EXTL2: variants seen among roughly 807,000 people sequenced by gnomAD.
EXTL2 encodes the protein exostosin-like 2.
A neutral mutation model predicts 30.7 loss-of-function variants in EXTL2; 23 were observed. The observed-to-expected ratio is 0.75, with a 90% CI of 0.54 to 1.06. The LOEUF (loss-of-function observed/expected upper bound fraction) is 1.06. Among genes scored for constraint, EXTL2 ranks in the 50% least tolerant of loss-of-function variants. The pLI is 0.00. For synonymous variants in EXTL2, 123 were observed against 133.8 expected (o/e 0.92, Z 0.56); for missense variants, 352 against 396.3 (o/e 0.89, Z 0.95).
intron 2 of EXTL2, chr1:100,880,834 A>G (rs1391774641): frequency 2.8e-6 from 1 of 360,552 alleles, no homozygotes; most frequent in Non-Finnish European, 3.9e-6. Flanking sequence ...ACTTACATAG[A>G]AGTGTTTCTG....
intron 2 of EXTL2, among the ~76,000 whole-genome samples, chr1:100,884,939 T>C (rs1276376618): frequency 6.6e-6 from 1 of 152,240 alleles, no homozygotes; most frequent in Non-Finnish European, 1.5e-5. Context: ...TATAGTTGAA[T>C]TAAATGAGGG....
At position 100,889,975 on chromosome 1, in the gene EXTL2, A is replaced by T. The variant is rs149701298; in HGVS notation, c.-71-1147T>A. The stretch of plus-strand genomic sequence containing the variant: ...GTGGCCCTGTTCTTACAGCTCCACT[A>T]GGCAATGCTCCAGTGGCAACTTTGT... On this transcript the variant is annotated intron_variant, in intron 1 of 4. Transcript: ENST00000370114. 6.5e-3 allele frequency among the ~76,000 whole-genome samples: 985 copies of T among 152,278 alleles called. 16 individuals are homozygous for T. The highest frequency in any genetic ancestry group is 0.021 in the African/African-American group (858 of 41,556).
At chr1:100,885,782 T>C (rs1263313946) in intron 2 of EXTL2, 2 of 152,218 alleles carry the variant, frequency 1.3e-5, no homozygotes, top group East Asian at 3.8e-4. Context: ...GTTTTAGAAA[T>C]GCCATACAGC....
rs1189003476 is a variant in EXTL2 at position 100,877,714 on chromosome 1, G to C, written c.195C>G (p.Ser65=). 1.2e-6 allele frequency: 2 copies of C among 1,613,532 alleles called. No homozygotes were observed. The highest frequency in any genetic ancestry group is 1.7e-6 in the Non-Finnish European group (2 of 1,179,658). Residue 65 remains serine (S), a synonymous_variant, in exon 3 of 5, where the codon TCC becomes TCG. Coordinates refer to ENST00000370114, the MANE Select transcript of EXTL2 (RefSeq NM_001033025.3). This position sits in a 1 kb window ranked among gnomAD's most constrained non-coding sequence, Gnocchi z 4.1. The stretch of plus-strand genomic sequence containing the variant: ...TGTACGTCTGCATTATGAGAGTAAA[G>C]GAGTCCATGGTGGACTTGCCCTGGG... The part of the protein sequence containing the change: ...IKSQGKSTMD[S]FTLIMQTYNR...
At chr1:100,883,170 G>C (rs1174703417) in intron 2 of EXTL2, among the ~76,000 whole-genome samples, 2 of 152,240 alleles carry the variant, frequency 1.3e-5, no homozygotes, top group East Asian at 3.9e-4. Flanking sequence ...TAACCTGCAA[G>C]ATAATATAAA....
chr1:100,883,431 T>G (rs1246353106), intron 2 of EXTL2, among the ~76,000 whole-genome samples: 2 of 152,142 alleles, frequency 1.3e-5, no homozygotes, highest in Admixed American at 1.3e-4. Context: ...AACCACTAAT[T>G]TATTTTCTGT....
Position 100,874,418 on chromosome 1 carries a change from G to T in EXTL2, c.517C>A (p.Gln173Lys). Residue 173 changes from glutamine (Q) to lysine (K), a missense_variant, in exon 5 of 5, where the codon CAA becomes AAA. Physicochemically the swap from Gln to Lys is moderately conservative, Grantham distance 53. Transcript: ENST00000370114. ...AFSVWQQFPDQIVGFVPRKHV... is the reference protein window; with the variant it reads ...AFSVWQQFPDKIVGFVPRKHV... ...TTTCTAGGAACAAATCCTACAATTT[G>T]ATCAGGAAATTGCTGAAAAGAGGGA... The T allele has an allele frequency of 6.3e-7, 1 of 1,583,782 alleles. No individual in the cohort carries two copies. The highest frequency in any genetic ancestry group is 1.2e-5 in the South Asian group (1 of 86,374).
intron 2 of EXTL2, chr1:100,878,413 T>C (rs1171329697): frequency 1.5e-5 from 7 of 471,054 alleles, no homozygotes; most frequent in Middle Eastern, 3.3e-4. Flanking sequence ...AGATAGTTCC[T>C]GAGCACTTAC....
chr1:100,894,963 C>T (rs1455279746), upstream of EXTL2: 1 of 152,282 alleles, frequency 6.6e-6, no homozygotes, highest in African/African-American at 2.4e-5. Flanking sequence ...CATTTCTTCT[C>T]CAAGGTAACA....
chr1:100,886,819 C>T (rs972905723), intron 2 of EXTL2, among the ~76,000 whole-genome samples: 4 of 152,164 alleles, frequency 2.6e-5, no homozygotes, highest in African/African-American at 4.8e-5. Context: ...TTCTTTCTAG[C>T]TTTGCACCTA....
intron 1 of EXTL2, among the ~76,000 whole-genome samples, chr1:100,892,363 T>C (rs955632611): frequency 6.6e-6 from 1 of 152,166 alleles, no homozygotes; most frequent in African/African-American, 2.4e-5. Context: ...CCCTCGAACA[T>C]CAGGCTCCAA....
chr1:100,886,870 T>A (rs569143760), intron 2 of EXTL2, among the ~76,000 whole-genome samples: 6 of 152,100 alleles, frequency 3.9e-5, no homozygotes, highest in African/African-American at 1.5e-4. Context: ...TTGATGATGA[T>A]AATGATAATG....
chr1:100,876,225 G>A (rs1374120975), intron 4 of EXTL2, among the ~76,000 whole-genome samples: 1 of 151,976 alleles, frequency 6.6e-6, no homozygotes, highest in Non-Finnish European at 1.5e-5. Flanking sequence ...TATTCAATAG[G>A]AGAGAGCGGC....
intron 2 of EXTL2, among the ~76,000 whole-genome samples, chr1:100,888,083 C>G (rs561480489): frequency 5.9e-5 from 9 of 152,220 alleles, no homozygotes; most frequent in Non-Finnish European, 1.2e-4. Flanking sequence ...TCTATACATA[C>G]TGACTTCATT....
rs1193052020 is a variant in EXTL2 at position 100,877,288 on chromosome 1, A to T, written c.433+188T>A. ...TAGCATATCCTTTATTACAATATTAACCTCTTCGCCAGGAAACCACTTCTT... is the reference window on the plus strand; with the variant it reads ...TAGCATATCCTTTATTACAATATTATCCTCTTCGCCAGGAAACCACTTCTT... On this transcript the variant is annotated intron_variant, in intron 3 of 4. Coordinates refer to ENST00000370114, the MANE Select transcript of EXTL2 (RefSeq NM_001033025.3). This position sits in a 1 kb window ranked among gnomAD's most constrained non-coding sequence, Gnocchi z 4.1. Among the ~76,000 whole-genome samples the T allele has an allele frequency of 2.6e-5, 4 of 152,118 alleles. No homozygotes were observed. The highest frequency in any genetic ancestry group is 7.2e-5 in the African/African-American group (3 of 41,426).
chr1:100,886,974 T>C (rs567744908), intron 2 of EXTL2, among the ~76,000 whole-genome samples: 2 of 152,164 alleles, frequency 1.3e-5, no homozygotes, highest in African/African-American at 2.4e-5. Flanking sequence ...CCATGACTCA[T>C]AGGATCCAAG....
chr1:100,877,388 G>C lies in EXTL2; in HGVS notation c.433+88C>G, dbSNP rs901566031. The C allele has an allele frequency of 5.7e-6, 7 of 1,223,176 alleles. No homozygotes were observed. The East Asian group carries it at 1.7e-4, about 29-fold the overall frequency. 75.8% of individuals were successfully genotyped at this position (1,223,176 alleles called of 1,614,324 possible). On this transcript the variant is annotated intron_variant, in intron 3 of 4. Coordinates refer to ENST00000370114, the MANE Select transcript of EXTL2 (RefSeq NM_001033025.3). This position sits in a 1 kb window ranked among gnomAD's most constrained non-coding sequence, Gnocchi z 4.1. ...TAACTTCCTTCATTTTTCTCCAGAC[G>C]GTTAAGCAGAAGGCCAGAAATTCAC...
chr1:100,879,884 A>G (rs1038175076), intron 2 of EXTL2, among the ~76,000 whole-genome samples: 4 of 152,180 alleles, frequency 2.6e-5, no homozygotes, highest in African/African-American at 9.6e-5. Context: ...CCATCATTCC[A>G]TAGGCAATCC....
chr1:100,889,420 T>C (rs970269031), intron 1 of EXTL2, among the ~76,000 whole-genome samples: 4 of 152,270 alleles, frequency 2.6e-5, no homozygotes, highest in Middle Eastern at 3.4e-3. Context: ...AGCCAAACCA[T>C]ATCATTCTAC....
Sources: allele counts gnomAD v4.1 joint callset (sites outside exome capture counted in the v4.1 genomes callset), GRCh38; gene constraint gnomAD v4.1.1; non-coding constraint Gnocchi (gnomAD v3.1); transcripts MANE v1.5; gene names NCBI Gene and HGNC (gene_info 2026-07-23, HGNC 2026-07-21).